Variants in KLHL4 observed in about 807,000 individuals in gnomAD.
KLHL4 encodes the protein kelch like family member 4.
Under a neutral mutation model 45.8 loss-of-function variants are expected in KLHL4, and 17 were observed. That is an observed-to-expected ratio of 0.37 (90% CI 0.25 to 0.56). The LOEUF is 0.56. Ranked by LOEUF, KLHL4 falls within the 20% of genes least tolerant of loss-of-function variation. The pLI is 0.79. For synonymous variants in KLHL4, 224 were observed against 189.9 expected (o/e 1.18, Z -1.47); for missense variants, 544 against 544.9 (o/e 1.00, Z 0.02).
intron 1 of KLHL4, among the ~76,000 whole-genome samples, chrX:87,609,567 A>T (rs1354801807): frequency 3.6e-5 from 4 of 111,955 alleles, no homozygotes; most frequent in African/African-American, 1.3e-4. Context: ...TCTTTTGAGA[A>T]GTATCTGTTC....
At chrX:87,563,233 T>C (rs1233766989) in intron 1 of KLHL4, among the ~76,000 whole-genome samples, 1 of 109,339 alleles carries the variant, frequency 9.1e-6, no homozygotes, top group East Asian at 2.9e-4. Context: ...TGAAAAACAT[T>C]TAAAAGAAGG....
intron 9 of KLHL4, among the ~76,000 whole-genome samples, chrX:87,649,555 G>T: frequency 9.0e-6 from 1 of 110,759 alleles, no homozygotes; most frequent in African/African-American, 3.3e-5. Context: ...TTTTCTTGTT[G>T]ACTGTTCTTT....
chrX:87,590,630 A>AT (rs1921631877), intron 1 of KLHL4, among the ~76,000 whole-genome samples: 1 of 111,952 alleles, frequency 8.9e-6, no homozygotes, highest in South Asian at 3.7e-4. Context: ...TGTTACTGGC[A>AT]TAAAAGCATA....
At chrX:87,646,096 G>T (rs1165012187) in intron 9 of KLHL4, among the ~76,000 whole-genome samples, 1 of 111,212 alleles carries the variant, frequency 9.0e-6, no homozygotes, top group African/African-American at 3.3e-5. Flanking sequence ...TACAAAAACA[G>T]TGACCAAGCT....
chrX:87,628,386 CA>C (rs755802529), intron 6 of KLHL4, among the ~76,000 whole-genome samples: 2 of 106,276 alleles, frequency 1.9e-5, no homozygotes, highest in Non-Finnish European at 2.0e-5. Context: ...CACGTAGTAG[CA>C]AAAAAAAGAA....
At chrX:87,549,040 T>C (rs1194308124) in intron 1 of KLHL4, among the ~76,000 whole-genome samples, 4 of 109,812 alleles carry the variant, frequency 3.6e-5, no homozygotes, top group Non-Finnish European at 7.6e-5. Flanking sequence ...ATTTCACTTA[T>C]AAAGACACAC....
intron 1 of KLHL4, among the ~76,000 whole-genome samples, chrX:87,547,156 G>A (rs1367796272): frequency 1.8e-5 from 2 of 111,569 alleles, no homozygotes; most frequent in Non-Finnish European, 3.8e-5. Context: ...TTGGCTTTGT[G>A]TCCCCATCCA....
chrX:87,552,084 A>G (rs1931839218), intron 1 of KLHL4, among the ~76,000 whole-genome samples: 1 of 111,715 alleles, frequency 9.0e-6, no homozygotes, highest in South Asian at 3.7e-4. Context: ...CATGGCAAAA[A>G]AACAGTCACC....
Position 87,667,424 on chromosome X carries a change from T to A in KLHL4, c.*890T>A. On this transcript the variant is annotated 3_prime_UTR_variant, in exon 11 of 11. Coordinates refer to ENST00000373119, the MANE Select transcript of KLHL4 (RefSeq NM_019117.5). The stretch of plus-strand genomic sequence containing the variant: ...AAACAAGTTTTCAAAAACAAAACAA[T>A]TTTTAAAGTACCTTAAAATTGAGGA... 1.4e-6 allele frequency: 1 copy of A among 697,480 alleles called. No individual in the cohort carries two copies. Among genetic ancestry groups the A allele is most frequent in the South Asian group, 7.4e-5 (1 of 13,589 alleles). The allele number at this position is 697,480 out of a possible 1,213,427, so 57.5% of individuals were successfully genotyped here. A position where few individuals can be genotyped will look rare whatever the true frequency, so the allele number is the denominator to read the frequency against.
At position 87,640,676 on chromosome X, in the gene KLHL4, GA is replaced by G. The variant is rs1335108906; in HGVS notation, c.1925+4903del. On this transcript the variant is annotated intron_variant, in intron 9 of 10. Coordinates refer to ENST00000373119, the MANE Select transcript of KLHL4 (RefSeq NM_019117.5). ...TAAAACCCTCAGCAAAATCAGCATA[GA>G]AGGGGCTTACCTTAAGGTAATGAAA... Among the ~76,000 whole-genome samples the G allele has an allele frequency of 8.1e-5, 9 of 111,423 alleles. No homozygotes were observed. In the East Asian group the frequency reaches 2.3e-3, roughly 28 times the overall value.
In KLHL4 at chrX:87,526,502, T is replaced by C. The variant is rs184019940; in HGVS notation, c.422+8187T>C. ...CAATGTAAGAAAACTTTAAATTGCT[T>C]AGTCATTGAGCTCCATAGGCATTCA... On this transcript the variant is annotated intron_variant, in intron 1 of 10. Transcript: ENST00000373119. Among the ~76,000 whole-genome samples the C allele has an allele frequency of 8.7e-3, 974 of 112,204 alleles. 6 individuals carry two copies. Among genetic ancestry groups the C allele is most frequent in the African/African-American group, 0.03 (923 of 30,940 alleles).
chrX:87,602,191 T>G (rs974466716), intron 1 of KLHL4, among the ~76,000 whole-genome samples: 3 of 111,496 alleles, frequency 2.7e-5, no homozygotes, highest in Admixed American at 9.6e-5. Flanking sequence ...AAAATTATCT[T>G]TCTTCAGTAA....
chrX:87,569,041 C>A (rs1171432598), intron 1 of KLHL4, among the ~76,000 whole-genome samples: 2 of 110,991 alleles, frequency 1.8e-5, no homozygotes, highest in South Asian at 3.7e-4. Context: ...AGATAACCTA[C>A]AAAAGGGGGA....
intron 7 of KLHL4, 36 bp from the exon 8 acceptor site, chrX:87,633,713 C>T: frequency 2.5e-5 from 27 of 1,091,292 alleles, no homozygotes; most frequent in Non-Finnish European, 3.2e-5. Flanking sequence ...GTGTGGCATA[C>T]CTAGGTGAAC....
chrX:87,581,803 C>T (rs997427672), intron 1 of KLHL4, among the ~76,000 whole-genome samples: 1 of 112,128 alleles, frequency 8.9e-6, no homozygotes, highest in Non-Finnish European at 1.9e-5. Flanking sequence ...TGCCCCTTTT[C>T]CTCCAAATAA....
At chrX:87,584,652 A>C (rs905701920) in intron 1 of KLHL4, among the ~76,000 whole-genome samples, 7 of 110,803 alleles carry the variant, frequency 6.3e-5, no homozygotes, top group Admixed American at 1.9e-4. Context: ...CAGCTACTTG[A>C]AAATACACAG....
chrX:87,643,760 A>T (rs1923540599), intron 9 of KLHL4, among the ~76,000 whole-genome samples: 1 of 112,158 alleles, frequency 8.9e-6, no homozygotes. Flanking sequence ...TCCACAAATC[A>T]ATAAATGTGG....
At chrX:87,542,933 C>CCCTTTGTATCCATGGAGGGACCA (rs1931594225) in intron 1 of KLHL4, among the ~76,000 whole-genome samples, 1 of 111,516 alleles carries the variant, frequency 9.0e-6, no homozygotes, top group Non-Finnish European at 1.9e-5. Context: ...GAAATGTAAT[C>CCCTTTGTATCCATGGAGGGACCA]CCTTTGTATC....
intron 9 of KLHL4, among the ~76,000 whole-genome samples, chrX:87,638,216 A>T (rs918732652): frequency 2.7e-5 from 3 of 111,687 alleles, no homozygotes; most frequent in Non-Finnish European, 5.6e-5. Context: ...GACAAAACAG[A>T]TGATTAGTTT....
Sources: gnomAD v4.1 joint callset for allele counts (sites outside exome capture counted in the v4.1 genomes callset) on GRCh38, gnomAD v4.1.1 for gene constraint, MANE v1.5 for transcripts, NCBI Gene and HGNC (gene_info 2026-07-23, HGNC 2026-07-21) for gene names.